The following PNKD variants were observed in gnomAD, a reference collection of about 807,000 sequenced individuals.
PNKD encodes PNKD metallo-beta-lactamase domain containing, also known as probable thioesterase PNKD.
PNKD carries 36 observed loss-of-function variants against 45.3 expected under a neutral mutation model. The observed-to-expected ratio is 0.80, with a 90% CI of 0.61 to 1.05. PNKD has a LOEUF of 1.05. Ranked by LOEUF, PNKD falls within the 50% of genes least tolerant of loss-of-function variation. The pLI, the probability that PNKD is intolerant of heterozygous loss-of-function variation, is 0.00. For synonymous variants in PNKD, 197 were observed against 210.1 expected (o/e 0.94, Z 0.54); for missense variants, 511 against 506.6 (o/e 1.01, Z -0.08).
At chr2:218,275,912 G>T in intron 2 of PNKD, 1 of 1,244,130 alleles carries the variant, frequency 8.0e-7, no homozygotes, top group Non-Finnish European at 1.1e-6. Context: ...TGAGAGGAAT[G>T]GCCTGCTATG....
chr2:218,298,716 C>G (rs1400866903), intron 2 of PNKD, among the ~76,000 whole-genome samples: 1 of 152,142 alleles, frequency 6.6e-6, no homozygotes, highest in Non-Finnish European at 1.5e-5. Context: ...TGCCCTTACA[C>G]CCTGCCCTCT....
At chr2:218,344,430 G>A in intron 8 of PNKD, 25 bp from the exon 9 acceptor site, 1 of 1,490,006 alleles carries the variant, frequency 6.7e-7, no homozygotes, top group South Asian at 1.2e-5. Context: ...TCTGCTCTGT[G>A]TCTCACCCTC....
In PNKD at chr2:218,315,116, C is replaced by CTTTCTTT. The variant is rs1559521433; in HGVS notation, c.237-24667_237-24666insTTTCTTT. ...TCTCTCCTTCCTTCCTTCCTTCCTT[C>CTTTCTTT]CTTCCTTTCTTTCTTTCTTTCTTTC... is the stretch of plus-strand genomic sequence containing the variant. On this transcript the variant is annotated intron_variant, in intron 2 of 9. Coordinates refer to ENST00000273077, the MANE Select transcript of PNKD (RefSeq NM_015488.5). Among the ~76,000 whole-genome samples, 146 of 130,512 alleles carry CTTTCTTT rather than the reference C, an allele frequency of 1.1e-3. 1 individual carries two copies. Among genetic ancestry groups the CTTTCTTT allele is most frequent in the African/African-American group, 3.6e-3 (120 of 33,450 alleles). 85.6% of individuals were successfully genotyped at this position (130,512 alleles called of 152,430 possible).
In PNKD at chr2:218,271,256, T is replaced by C. The variant is rs867429663; in HGVS notation, c.68-125T>C. ...TTGGATTCTCCTTGGCACTTCTTAC[T>C]TCAGACTGCAGTCACTCCCCTTCCC... On this transcript the variant is annotated intron_variant, in intron 1 of 9. Transcript: ENST00000273077. The C allele has an allele frequency of 1.9e-4, 166 of 861,088 alleles. 1 individual carries two copies. The Middle Eastern group carries it at 2.0e-3, about 10-fold the overall frequency. The allele number at this position is 861,088 out of a possible 1,614,324, so 53.3% of individuals were successfully genotyped here.
At position 218,279,111 on chromosome 2, in the gene PNKD, A is replaced by G. The variant is rs778268916; in HGVS notation, c.236+7562A>G. 1.9e-6 allele frequency: 3 copies of G among 1,613,970 alleles called. No individual in the cohort carries two copies. The East Asian group carries it at 6.7e-5, about 36-fold the overall frequency. On this transcript the variant is annotated intron_variant, in intron 2 of 9. Transcript: ENST00000273077. ...GGTTCCCTGTGGGGCACAGGAGGAC[A>G]GGAGTAGTCACCCTGAGGCTTGTCT... is the stretch of plus-strand genomic sequence containing the variant.
intron 2 of PNKD, chr2:218,282,009 G>T: frequency 6.2e-7 from 1 of 1,607,864 alleles, no homozygotes; most frequent in Non-Finnish European, 8.5e-7. Flanking sequence ...CCGTAGCCAG[G>T]CTGCGGGTAG....
chr2:218,323,116 G>A, intron 2 of PNKD: 2 of 1,242,652 alleles, frequency 1.6e-6, no homozygotes, highest in Non-Finnish European at 2.0e-6. Flanking sequence ...AGGTGGTGAG[G>A]GGGCGGGTCC....
intron 2 of PNKD, among the ~76,000 whole-genome samples, chr2:218,291,412 G>C (rs1184888290): frequency 1.3e-5 from 2 of 152,184 alleles, no homozygotes; most frequent in African/African-American, 4.8e-5. Flanking sequence ...CCAGCCCAAA[G>C]TCGCCAGCTT....
chr2:218,280,030 C>T (rs200483448), intron 2 of PNKD: 93 of 1,613,812 alleles, frequency 5.8e-5, no homozygotes, highest in Admixed American at 1.2e-4. Context: ...TCTTACCTTT[C>T]GGATAAAAGT....
chr2:218,273,971 C>T (rs1184756061), intron 2 of PNKD, among the ~76,000 whole-genome samples: 11 of 152,194 alleles, frequency 7.2e-5, no homozygotes, highest in African/African-American at 2.4e-4. Context: ...GCACTACAGC[C>T]AAGAGGTCTC....
Position 218,346,036 on chromosome 2 carries a change from T to C in PNKD, c.*1055T>C, listed in dbSNP as rs1377060552. The C allele has an allele frequency of 6.6e-6, 1 of 152,386 alleles. No individual in the cohort carries two copies. Among genetic ancestry groups the C allele is most frequent in the Non-Finnish European group, 1.5e-5 (1 of 68,048 alleles). The allele number at this position is 152,386 out of a possible 1,614,324, so 9.4% of individuals were successfully genotyped here. On this transcript the variant is annotated 3_prime_UTR_variant, in exon 10 of 10. Coordinates refer to ENST00000273077, the MANE Select transcript of PNKD (RefSeq NM_015488.5). ...CACTGGATCCAGGCCCCCATCCGGC[T>C]GGCAGGAGGGGGCTCTGACGTGCAG...
At chr2:218,332,616 G>A (rs1694361219) in intron 2 of PNKD, among the ~76,000 whole-genome samples, 1 of 151,944 alleles carries the variant, frequency 6.6e-6, no homozygotes, top group Non-Finnish European at 1.5e-5. Flanking sequence ...AGCAAGGACT[G>A]CAACCTGTCC....
At chr2:218,336,228 A>AAAAAAAAAT (rs1553672785) in intron 2 of PNKD, among the ~76,000 whole-genome samples, 2 of 149,096 alleles carry the variant, frequency 1.3e-5, no homozygotes, top group African/African-American at 4.9e-5. Flanking sequence ...AAAAAAAAAA[A>AAAAAAAAAT]GTTTGGAAAA....
intron 6 of PNKD, 85 bp from the exon 7 acceptor site, chr2:218,341,896 C>A: frequency 8.6e-7 from 1 of 1,160,836 alleles, no homozygotes; most frequent in Non-Finnish European, 1.3e-6. Flanking sequence ...TTGTGAATCA[C>A]CCAGCCCCTT....
intron 2 of PNKD, among the ~76,000 whole-genome samples, chr2:218,297,927 G>A (rs189913378): frequency 6.6e-6 from 1 of 151,240 alleles, no homozygotes; most frequent in East Asian, 1.9e-4. Context: ...GAACCCGGGA[G>A]GCGGAGCTTG....
chr2:218,334,788 G>A (rs186613433), intron 2 of PNKD: 3 of 701,248 alleles, frequency 4.3e-6, no homozygotes, highest in South Asian at 1.5e-5. Context: ...CTGGCTTAAG[G>A]TGGAGTTAGC....
chr2:218,309,481 G>A (rs1394451690), intron 2 of PNKD, among the ~76,000 whole-genome samples: 2 of 150,286 alleles, frequency 1.3e-5, no homozygotes, highest in African/African-American at 4.9e-5. Context: ...GTTTTGCTAT[G>A]TTGGCCAGGT....
At position 218,345,106 on chromosome 2, in the gene PNKD, CACA is replaced by C; in HGVS notation, c.*126_*128del. Reference sequence around the variant, plus strand: ...GGCACCCAAGCGGGCATCATCCCCCCACACTGCTCAGGGGAGGGGAGGGATCAG... The same window carrying C: ...GGCACCCAAGCGGGCATCATCCCCCCCTGCTCAGGGGAGGGGAGGGATCAG... On this transcript the variant is annotated 3_prime_UTR_variant, in exon 10 of 10. Transcript: ENST00000273077. 1 of 732,074 alleles carries C rather than the reference CACA, an allele frequency of 1.4e-6. No homozygotes were observed. The highest frequency in any genetic ancestry group is 2.3e-6 in the Non-Finnish European group (1 of 442,816). The allele number at this position is 732,074 out of a possible 1,614,324, so 45.3% of individuals were successfully genotyped here. A position where few individuals can be genotyped will look rare whatever the true frequency, so the allele number is the denominator to read the frequency against.
chr2:218,297,795 C>A (rs569358964), intron 2 of PNKD, among the ~76,000 whole-genome samples: 1 of 150,534 alleles, frequency 6.6e-6, no homozygotes, highest in Non-Finnish European at 1.5e-5. Flanking sequence ...GTCAGGAGAT[C>A]GAGACCATCC....
Sources: gnomAD v4.1 joint callset for allele counts (sites outside exome capture counted in the v4.1 genomes callset) on GRCh38, gnomAD v4.1.1 for gene constraint, MANE v1.5 for transcripts, NCBI Gene and HGNC (gene_info 2026-07-23, HGNC 2026-07-21) for gene names.